The following SNTB2 variants were observed in gnomAD, a reference collection of about 807,000 sequenced individuals.
SNTB2 encodes beta-2-syntrophin.
Under a neutral mutation model 46.2 loss-of-function variants are expected in SNTB2, and 34 were observed. That is an observed-to-expected ratio of 0.74 (90% CI 0.56 to 0.98). The LOEUF (loss-of-function observed/expected upper bound fraction) is 0.98, where lower values mean the gene tolerates loss of function less well. SNTB2 is among the 50% of genes least tolerant of loss of function. The pLI is 0.00. For missense variants in SNTB2, 603 were observed against 731.4 expected, an observed-to-expected ratio of 0.82 and a Z score of 2.02; for synonymous variants, 290 against 312.6, an observed-to-expected ratio of 0.93 and a Z score of 0.76.
intron 4 of SNTB2, among the ~76,000 whole-genome samples, chr16:69,277,432 G>A (rs1964993224): frequency 6.6e-6 from 1 of 152,132 alleles, no homozygotes; most frequent in Non-Finnish European, 1.5e-5. Flanking sequence ...ATATGGTGTT[G>A]CAAAATTATG....
intron 2 of SNTB2, among the ~76,000 whole-genome samples, chr16:69,247,102 A>G (rs1354841800): frequency 6.6e-6 from 1 of 151,018 alleles, no homozygotes; most frequent in Non-Finnish European, 1.5e-5. Context: ...TTAAAGATAA[A>G]TTTTTAAATA....
rs764980688 is a variant in SNTB2 at position 69,284,164 on chromosome 16, A to G, written c.1265A>G (p.His422Arg). 2.5e-6 allele frequency: 4 copies of G among 1,614,068 alleles called. No individual in the cohort carries two copies. The highest frequency in any genetic ancestry group is 2.7e-5 in the African/African-American group (2 of 74,996). ...ATGCATCTCTTCAGGGTGGAGACAC[A>G]TCGGGATCTGTCATCCTGGACCAGG... ...IEMHLFRVETHRDLSSWTRIL... is the reference protein window; with the variant it reads ...IEMHLFRVETRRDLSSWTRIL... Residue 422 changes from histidine (H) to arginine (R), a missense_variant, in exon 5 of 7, where the codon CAT (histidine) becomes CGT (arginine). Coordinates refer to ENST00000336278, the MANE Select transcript of SNTB2 (RefSeq NM_006750.4).
In SNTB2 at chr16:69,199,186, C is replaced by T. The variant is rs528145043; in HGVS notation, c.580+11440C>T. ...CTGGGATTACAGGCGTGAGCCACCACGCCTGGCCTATAATAATGATTTTTA... is the reference window on the plus strand; with the variant it reads ...CTGGGATTACAGGCGTGAGCCACCATGCCTGGCCTATAATAATGATTTTTA... On this transcript the variant is annotated intron_variant, in intron 1 of 6. Transcript: ENST00000336278. 2.6e-5 allele frequency among the ~76,000 whole-genome samples: 4 copies of T among 152,142 alleles called. No individual in the cohort carries two copies. The South Asian group carries it at 6.2e-4, about 24-fold the overall frequency.
In SNTB2 at chr16:69,301,018, C is replaced by A. The variant is rs1010853547; in HGVS notation, c.*94C>A. 2.7e-5 allele frequency: 20 copies of A among 745,246 alleles called. No individual in the cohort carries two copies. Among genetic ancestry groups the A allele is most frequent in the Non-Finnish European group, 4.3e-5 (19 of 438,988 alleles). 46.2% of individuals were successfully genotyped at this position (745,246 alleles called of 1,614,324 possible). A position where few individuals can be genotyped will look rare whatever the true frequency, so the allele number is the denominator to read the frequency against. ...CAAAAAGAAACTCTTTGCTCTCCTTCAGCACAGTGCCTTCCCAAGGACCTG... is the reference window on the plus strand; with the variant it reads ...CAAAAAGAAACTCTTTGCTCTCCTTAAGCACAGTGCCTTCCCAAGGACCTG... On this transcript the variant is annotated 3_prime_UTR_variant, in exon 7 of 7. Coordinates refer to ENST00000336278, the MANE Select transcript of SNTB2 (RefSeq NM_006750.4).
At chr16:69,257,724 C>T (rs904982359) in intron 2 of SNTB2, among the ~76,000 whole-genome samples, 8 of 152,160 alleles carry the variant, frequency 5.3e-5, no homozygotes, top group East Asian at 3.8e-4. Flanking sequence ...GGATTACAGG[C>T]GTAAGCCACC....
At chr16:69,286,053 C>T (rs890165299) in intron 5 of SNTB2, among the ~76,000 whole-genome samples, 2 of 152,104 alleles carry the variant, frequency 1.3e-5, no homozygotes, top group African/African-American at 2.4e-5. Context: ...TCAGGTGATC[C>T]GCCTACCTTG....
At chr16:69,292,970 G>C (rs62055856) in intron 5 of SNTB2, among the ~76,000 whole-genome samples, 22 of 152,098 alleles carry the variant, frequency 1.4e-4, no homozygotes, top group Admixed American at 5.2e-4. Flanking sequence ...AGCAGTAGAA[G>C]GAAAACCGGG....
At chr16:69,272,539 CAA>C (rs556616496) in intron 4 of SNTB2, among the ~76,000 whole-genome samples, 10 of 58,136 alleles carry the variant, frequency 1.7e-4, no homozygotes, top group Admixed American at 5.5e-4. Flanking sequence ...GACTCTGTCT[CAA>C]AAAAAAAAAA....
At chr16:69,291,032 T>G (rs930474476) in intron 5 of SNTB2, among the ~76,000 whole-genome samples, 6 of 152,378 alleles carry the variant, frequency 3.9e-5, no homozygotes, top group African/African-American at 1.4e-4. Context: ...ATAAGTAAGA[T>G]GTACTTCATG....
chr16:69,188,588 T>G (rs771473660), intron 1 of SNTB2, among the ~76,000 whole-genome samples: 2 of 152,232 alleles, frequency 1.3e-5, no homozygotes, highest in Non-Finnish European at 2.9e-5. Context: ...TCCTCTCCTC[T>G]AAGGACTCAT....
intron 2 of SNTB2, among the ~76,000 whole-genome samples, chr16:69,258,501 C>A (rs555745832): frequency 1.3e-5 from 2 of 150,084 alleles, no homozygotes; most frequent in Non-Finnish European, 3.0e-5. Context: ...GATCTCTTAA[C>A]TATTTTTCTA....
At chr16:69,298,151 T>A (rs1466641197) in intron 5 of SNTB2, among the ~76,000 whole-genome samples, 1 of 152,106 alleles carries the variant, frequency 6.6e-6, no homozygotes, top group Non-Finnish European at 1.5e-5. Flanking sequence ...TTACCCAGGC[T>A]GTTCTCTAGC....
At chr16:69,300,216 G>A (rs1265909836) in intron 6 of SNTB2, among the ~76,000 whole-genome samples, 1 of 151,910 alleles carries the variant, frequency 6.6e-6, no homozygotes, top group Admixed American at 6.6e-5. Flanking sequence ...TTTTCAAGAT[G>A]GCATTGGGTG....
chr16:69,210,662 C>T (rs1039136415), intron 1 of SNTB2, among the ~76,000 whole-genome samples: 4 of 152,074 alleles, frequency 2.6e-5, no homozygotes, highest in Non-Finnish European at 4.4e-5. Flanking sequence ...GCTGAAACTA[C>T]AGGCATGTGC....
In SNTB2 at chr16:69,306,546, T is replaced by G. The variant is rs994848751; in HGVS notation, c.*5622T>G. On this transcript the variant is annotated 3_prime_UTR_variant, in exon 7 of 7. Transcript: ENST00000336278. ...AATCCACCATATAAACCATAATCCTTGAATTGCCCCTTTTAAAATAGATTG... is the reference window on the plus strand; with the variant it reads ...AATCCACCATATAAACCATAATCCTGGAATTGCCCCTTTTAAAATAGATTG... 3 of 152,262 alleles carry G rather than the reference T, an allele frequency of 2.0e-5. No individual in the cohort carries two copies. Among genetic ancestry groups the G allele is most frequent in the African/African-American group, 7.2e-5 (3 of 41,472 alleles). The allele number at this position is 152,262 out of a possible 1,614,324, so 9.4% of individuals were successfully genotyped here. A position where few individuals can be genotyped will look rare whatever the true frequency, so the allele number is the denominator to read the frequency against.
intron 1 of SNTB2, among the ~76,000 whole-genome samples, chr16:69,204,930 C>T (rs1964198904): frequency 6.6e-6 from 1 of 152,186 alleles, no homozygotes; most frequent in Non-Finnish European, 1.5e-5. Context: ...AGTAATGTTA[C>T]TGCTGTGTGC....
chr16:69,245,527 A>T, intron 1 of SNTB2, 75 bp from the exon 2 acceptor site: 2 of 1,363,982 alleles, frequency 1.5e-6, no homozygotes, highest in Non-Finnish European at 2.1e-6. Context: ...TATAGCATGT[A>T]TGTGAATACT....
intron 5 of SNTB2, among the ~76,000 whole-genome samples, chr16:69,295,415 A>T (rs1024616452): frequency 6.6e-6 from 1 of 151,340 alleles, no homozygotes; most frequent in Non-Finnish European, 1.5e-5. Context: ...ACTCCCGGCT[A>T]ATTTTTGTAT....
intron 1 of SNTB2, among the ~76,000 whole-genome samples, chr16:69,243,688 A>G (rs897528087): frequency 6.6e-6 from 1 of 152,216 alleles, no homozygotes; most frequent in African/African-American, 2.4e-5. Flanking sequence ...AAAGTCCTTC[A>G]AAGCATAAAG....
Sources: gnomAD v4.1 joint callset for allele counts (sites outside exome capture counted in the v4.1 genomes callset) on GRCh38, gnomAD v4.1.1 for gene constraint, MANE v1.5 for transcripts, NCBI Gene and HGNC (gene_info 2026-07-23, HGNC 2026-07-21) for gene names.